The following DCUN1D4 variants were observed in gnomAD, a reference collection of about 807,000 sequenced individuals.
DCUN1D4 encodes defective in cullin neddylation 1 domain containing 4, also known as DCN1-like protein 4.
A neutral mutation model predicts 47.9 loss-of-function variants in DCUN1D4; 22 were observed. That is an observed-to-expected ratio of 0.46 (90% confidence interval 0.33 to 0.66). The LOEUF is 0.66. Among genes scored for constraint, DCUN1D4 ranks in the 30% least tolerant of loss-of-function variants. DCUN1D4 has a pLI of 0.02. For missense variants in DCUN1D4, 301 were observed against 340.8 expected, an observed-to-expected ratio of 0.88 and a Z score of 0.92; for synonymous variants, 121 against 112.2, an observed-to-expected ratio of 1.08 and a Z score of -0.50.
intron 7 of DCUN1D4, among the ~76,000 whole-genome samples, chr4:51,894,937 C>T (rs910902125): frequency 3.3e-5 from 5 of 151,978 alleles, no homozygotes; most frequent in African/African-American, 4.8e-5. Flanking sequence ...ACCAAGATGC[C>T]GTAGATTTGG....
intron 4 of DCUN1D4, chr4:51,874,986 T>G (rs1727448713): frequency 1.3e-5 from 2 of 152,242 alleles, no homozygotes. Flanking sequence ...TTTTTCTTCC[T>G]TGTTTCAGAA....
At chr4:51,898,373 C>T (rs554586199) in intron 7 of DCUN1D4, among the ~76,000 whole-genome samples, 24 of 152,056 alleles carry the variant, frequency 1.6e-4, no homozygotes, top group Non-Finnish European at 2.9e-4. Flanking sequence ...GCAGACTTAC[C>T]GCTAGTGGAC....
At chr4:51,912,496 A>G (rs777176038) in intron 9 of DCUN1D4, among the ~76,000 whole-genome samples, 13 of 152,158 alleles carry the variant, frequency 8.5e-5, no homozygotes, top group Admixed American at 2.6e-4. Flanking sequence ...CCATTGACTC[A>G]ACTCTCTTTG....
intron 8 of DCUN1D4, among the ~76,000 whole-genome samples, chr4:51,906,846 G>C: frequency 6.6e-6 from 1 of 152,152 alleles, no homozygotes; most frequent in East Asian, 1.9e-4. Flanking sequence ...AGCAGCCTTG[G>C]TAGGCAGTGA....
chr4:51,835,074 G>GA, the DCUN1D4 span, among the ~76,000 whole-genome samples: 3,280 of 152,240 alleles, frequency 0.022, 97 homozygotes, highest in Admixed American at 0.088. Context: ...CTGATGCTAG[G>GA]AAAAAAAGCA....
chr4:51,861,437 C>T (rs536004733), intron 1 of DCUN1D4, among the ~76,000 whole-genome samples: 2 of 152,220 alleles, frequency 1.3e-5, no homozygotes, highest in Admixed American at 6.5e-5. Flanking sequence ...ACTTGTGTTT[C>T]TTGTCTTTTC....
intron 3 of DCUN1D4, among the ~76,000 whole-genome samples, chr4:51,864,259 G>A (rs1314742359): frequency 6.6e-6 from 1 of 152,152 alleles, no homozygotes; most frequent in African/African-American, 2.4e-5. Flanking sequence ...TAGACTTGGG[G>A]TGGGGCCCCA....
chr4:51,839,591 G>A (rs1001106872), upstream of DCUN1D4, among the ~76,000 whole-genome samples: 3 of 152,222 alleles, frequency 2.0e-5, no homozygotes, highest in African/African-American at 7.2e-5. Context: ...TCTCCTTTCG[G>A]AGGGGGTTTA....
intron 7 of DCUN1D4, among the ~76,000 whole-genome samples, chr4:51,897,681 T>C: frequency 6.6e-6 from 1 of 152,238 alleles, no homozygotes; most frequent in East Asian, 1.9e-4. Context: ...ATGGCTGATT[T>C]CAAGTCTGGA....
At chr4:51,842,921 G>A (rs1721826341), upstream of DCUN1D4, 2 of 597,056 alleles carry the variant, frequency 3.3e-6, no homozygotes, top group Admixed American at 4.7e-5. Flanking sequence ...ACAGCAGCCG[G>A]GCCCAACCCG....
chr4:51,844,300 G>A (rs1304566169), intron 1 of DCUN1D4: 2 of 982,872 alleles, frequency 2.0e-6, no homozygotes, highest in African/African-American at 3.5e-5. Context: ...CAAGCTTCGG[G>A]GTGCGGAGAG....
Position 51,849,707 on chromosome 4 carries a change from G to A in DCUN1D4, c.25+6440G>A, listed in dbSNP as rs1577834000. ...CCCAGCCCACTGGGTCTCATCATGT[G>A]CCACTCTTTACTGCTGCTTTTTCCT... On this transcript the variant is annotated intron_variant, in intron 1 of 10. Coordinates refer to ENST00000334635, the MANE Select transcript of DCUN1D4 (RefSeq NM_001040402.3). Among the ~76,000 whole-genome samples the A allele has an allele frequency of 5.9e-5, 9 of 152,204 alleles. No individual in the cohort carries two copies. The South Asian group carries it at 1.9e-3, about 32-fold the overall frequency.
chr4:51,902,562 C>G (rs1397120942), intron 8 of DCUN1D4, among the ~76,000 whole-genome samples: 1 of 152,166 alleles, frequency 6.6e-6, no homozygotes, highest in Non-Finnish European at 1.5e-5. Flanking sequence ...TGTATTCACT[C>G]CAACTTTCTT....
chr4:51,843,578 C>A, intron 1 of DCUN1D4: 6 of 946,934 alleles, frequency 6.3e-6, no homozygotes, highest in South Asian at 4.0e-5. Flanking sequence ...TCGGAGTGTC[C>A]GGGGTGCATG....
intron 8 of DCUN1D4, among the ~76,000 whole-genome samples, chr4:51,906,688 A>G (rs1340035363): frequency 2.0e-5 from 3 of 152,194 alleles, no homozygotes; most frequent in Non-Finnish European, 2.9e-5. Context: ...GCCCGGGTCT[A>G]TTACACTGAA....
chr4:51,839,507 G>C (rs1370257114), upstream of DCUN1D4, among the ~76,000 whole-genome samples: 1 of 152,150 alleles, frequency 6.6e-6, no homozygotes, highest in African/African-American at 2.4e-5. Flanking sequence ...GAAAGAAGTT[G>C]TTATCACTTG....
chr4:51,882,337 T>G (rs1728783823), intron 5 of DCUN1D4, among the ~76,000 whole-genome samples: 1 of 152,130 alleles, frequency 6.6e-6, no homozygotes, highest in Admixed American at 6.5e-5. Flanking sequence ...TAGAGAAACA[T>G]TACCTTTATG....
At chr4:51,857,943 G>A (rs1418006190) in intron 1 of DCUN1D4, among the ~76,000 whole-genome samples, 1 of 152,122 alleles carries the variant, frequency 6.6e-6, no homozygotes, top group Non-Finnish European at 1.5e-5. Context: ...ATACAGCAAT[G>A]GGCAAGATTT....
chr4:51,903,806 A>G (rs893770129), intron 8 of DCUN1D4, among the ~76,000 whole-genome samples: 2 of 151,900 alleles, frequency 1.3e-5, no homozygotes, highest in African/African-American at 4.8e-5. Context: ...CAGATACTAT[A>G]TTTTTCATCT....
Sources: gnomAD v4.1 joint callset for allele counts (sites outside exome capture counted in the v4.1 genomes callset) on GRCh38, gnomAD v4.1.1 for gene constraint, MANE v1.5 for transcripts, NCBI Gene and HGNC (gene_info 2026-07-23, HGNC 2026-07-21) for gene names.